NT5DC3: variants seen among roughly 807,000 people sequenced by gnomAD.
NT5DC3 encodes 5'-nucleotidase domain containing 3.
A neutral mutation model predicts 67.8 loss-of-function variants in NT5DC3; 42 were observed. The ratio of observed to expected loss-of-function variants is 0.62; its 90% CI spans 0.48 to 0.80. NT5DC3 has a LOEUF of 0.80. NT5DC3 is among the 30% of genes least tolerant of loss of function. The probability of loss-of-function intolerance (pLI) is 0.00; values close to 1 mark genes in which losing one functional copy is unlikely to be tolerated. For missense variants in NT5DC3, 570 were observed against 696.4 expected (o/e 0.82, Z 2.04); for synonymous variants, 237 against 255.6 (o/e 0.93, Z 0.69).
the NT5DC3 span, chr12:103,763,806 A>C: frequency 2.0e-6 from 1 of 510,560 alleles, no homozygotes; most frequent in Non-Finnish European, 3.5e-6. Flanking sequence ...TCTCTTGGGT[A>C]GACAGCAGAA....
At chr12:103,754,302 T>C in the NT5DC3 span, among the ~76,000 whole-genome samples, 1 of 152,112 alleles carries the variant, frequency 6.6e-6, no homozygotes, top group Non-Finnish European at 1.5e-5. Context: ...AAATGTAATA[T>C]GGCACACAGT....
At chr12:103,829,508 C>G (rs919934993) in intron 1 of NT5DC3, among the ~76,000 whole-genome samples, 1 of 152,188 alleles carries the variant, frequency 6.6e-6, no homozygotes, top group Non-Finnish European at 1.5e-5. Flanking sequence ...TAATCTCAAC[C>G]TTTCTACATC....
chr12:103,763,395 C>G, the NT5DC3 span: 2 of 942,560 alleles, frequency 2.1e-6, no homozygotes, highest in Non-Finnish European at 3.3e-6. Flanking sequence ...AGGAAAAGCT[C>G]CCAGAGGCAA....
chr12:103,755,492 G>C, the NT5DC3 span: 9 of 1,611,906 alleles, frequency 5.6e-6, no homozygotes, highest in Non-Finnish European at 7.6e-6. Flanking sequence ...TACACTTCAG[G>C]TTCTGGGCCA....
chr12:103,810,558 C>A (rs549860818), intron 2 of NT5DC3, among the ~76,000 whole-genome samples: 1 of 152,256 alleles, frequency 6.6e-6, no homozygotes, highest in Admixed American at 6.5e-5. Context: ...AAGATAAAGC[C>A]CTTGACTTAG....
chr12:103,804,630 A>C (rs1374598420), intron 4 of NT5DC3, among the ~76,000 whole-genome samples: 1 of 152,230 alleles, frequency 6.6e-6, no homozygotes, highest in Non-Finnish European at 1.5e-5. Flanking sequence ...TTTGTAATGG[A>C]CTATTTGGAA....
chr12:103,763,213 C>T, the NT5DC3 span: 1 of 343,304 alleles, frequency 2.9e-6, no homozygotes, highest in Non-Finnish European at 5.4e-6. Context: ...GGGTGGCAGG[C>T]ACCAGCAGGC....
intron 1 of NT5DC3, among the ~76,000 whole-genome samples, chr12:103,834,078 C>T (rs1462259408): frequency 6.6e-6 from 1 of 152,020 alleles, no homozygotes; most frequent in African/African-American, 2.4e-5. Flanking sequence ...ACCCTGGCCT[C>T]TAGAGGCCAG....
At chr12:103,751,835 T>C in the NT5DC3 span, among the ~76,000 whole-genome samples, 1 of 152,106 alleles carries the variant, frequency 6.6e-6, no homozygotes, top group South Asian at 2.1e-4. Flanking sequence ...GCCAAGAAAA[T>C]GTTGGCAGTG....
chr12:103,761,274 C>A, the NT5DC3 span: 1 of 1,605,168 alleles, frequency 6.2e-7, no homozygotes, highest in East Asian at 2.2e-5. Context: ...GAGTAAAAGC[C>A]ATCAACCCTC....
intron 1 of NT5DC3, among the ~76,000 whole-genome samples, chr12:103,835,424 A>G (rs1468888900): frequency 6.6e-6 from 1 of 152,172 alleles, no homozygotes; most frequent in African/African-American, 2.4e-5. Flanking sequence ...TGAATACTTC[A>G]AACACTTAAA....
At chr12:103,772,275 C>T (rs750132098), downstream of NT5DC3, 2 of 152,304 alleles carry the variant, frequency 1.3e-5, no homozygotes, top group Non-Finnish European at 1.5e-5. Context: ...CAGACTTAAG[C>T]ACACAAAATA....
At chr12:103,806,750 A>G (rs971709397) in intron 3 of NT5DC3, 105 bp downstream of exon 3, 1 of 726,616 alleles carries the variant, frequency 1.4e-6, no homozygotes, top group African/African-American at 1.8e-5. Flanking sequence ...GTCCCAAATA[A>G]CATAATTTAA....
chr12:103,764,814 C>T, the NT5DC3 span, among the ~76,000 whole-genome samples: 2 of 151,892 alleles, frequency 1.3e-5, no homozygotes, highest in Admixed American at 6.6e-5. Flanking sequence ...AGGGTAAGTT[C>T]GGGCCGGGTG....
the NT5DC3 span, chr12:103,753,305 C>T: frequency 1.9e-4 from 306 of 1,614,102 alleles, 2 homozygotes; most frequent in South Asian, 6.4e-4. Flanking sequence ...CCTGTGCCAA[C>T]GAAGCTGCGA....
chr12:103,809,092 C>T (rs1225075908), intron 2 of NT5DC3, among the ~76,000 whole-genome samples: 1 of 152,230 alleles, frequency 6.6e-6, no homozygotes, highest in Non-Finnish European at 1.5e-5. Context: ...AAGTCCACCC[C>T]TAACCACCAC....
the NT5DC3 span, chr12:103,750,590 G>C: frequency 6.2e-7 from 1 of 1,614,198 alleles, no homozygotes. Flanking sequence ...GCAAGCACAA[G>C]TGTGAGTGTA....
In NT5DC3 at chr12:103,777,719, A is replaced by T; in HGVS notation, c.*110T>A. 8.0e-7 allele frequency: 1 copy of T among 1,245,706 alleles called. No homozygotes were observed. Among genetic ancestry groups the T allele is most frequent in the Non-Finnish European group, 1.1e-6 (1 of 891,354 alleles). The allele number at this position is 1,245,706 out of a possible 1,614,324, so 77.2% of individuals were successfully genotyped here. A position where few individuals can be genotyped will look rare whatever the true frequency, so the allele number is the denominator to read the frequency against. Reference sequence around the variant, plus strand: ...CTCCGTAAGGTACAAAATAAATATCAAAAGGCTTATCTGTATCTTTTCCAA... The same window carrying T: ...CTCCGTAAGGTACAAAATAAATATCTAAAGGCTTATCTGTATCTTTTCCAA... On this transcript the variant is annotated 3_prime_UTR_variant, in exon 14 of 14. Transcript: ENST00000392876.
rs750288627 is a variant in NT5DC3, at chr12:103,777,798, G to A, written c.*31C>T. ...ACCCCATCATGCCTGCCCAATCAGG[G>A]GCAGTTACAGTTTCTAGTTTTTGCC... On this transcript the variant is annotated 3_prime_UTR_variant, in exon 14 of 14. Coordinates refer to ENST00000392876, the MANE Select transcript of NT5DC3 (RefSeq NM_001031701.3). The A allele has an allele frequency of 5.0e-6, 8 of 1,588,278 alleles. No individual in the cohort carries two copies. The highest frequency in any genetic ancestry group is 6.8e-6 in the Non-Finnish European group (8 of 1,168,416).
Sources: allele counts gnomAD v4.1 joint callset (sites outside exome capture counted in the v4.1 genomes callset), GRCh38; gene constraint gnomAD v4.1.1; transcripts MANE v1.5; gene names NCBI Gene and HGNC (gene_info 2026-07-23, HGNC 2026-07-21).